Variants in ANKRD44 observed in about 807,000 individuals in gnomAD.
ANKRD44 encodes ankyrin repeat domain 44.
Under a neutral mutation model 116.0 loss-of-function variants are expected in ANKRD44, and 35 were observed. That is an observed-to-expected ratio of 0.30 (90% CI 0.23 to 0.40). The LOEUF is 0.40. ANKRD44 is among the 10% of genes least tolerant of loss of function. The pLI is 1.00. For synonymous variants in ANKRD44, 435 were observed against 461.8 expected, an observed-to-expected ratio of 0.94 and a Z score of 0.74; for missense variants, 1,014 against 1,242.6, an observed-to-expected ratio of 0.82 and a Z score of 2.77.
intron 1 of ANKRD44, among the ~76,000 whole-genome samples, chr2:197,214,630 T>C (rs1019767505): frequency 6.6e-6 from 1 of 152,206 alleles, no homozygotes; most frequent in Non-Finnish European, 1.5e-5. Context: ...TTAATACCTA[T>C]CACTGATATA....
intron 1 of ANKRD44, among the ~76,000 whole-genome samples, chr2:197,257,714 A>G (rs2082487922): frequency 6.6e-6 from 1 of 152,214 alleles, no homozygotes; most frequent in Non-Finnish European, 1.5e-5. Flanking sequence ...ATATACACCT[A>G]CTATGTACCC....
chr2:197,216,869 A>AACACACACACACACAAACACAC (rs1553535177), intron 1 of ANKRD44, among the ~76,000 whole-genome samples: 2 of 139,734 alleles, frequency 1.4e-5, no homozygotes, highest in African/African-American at 5.5e-5. Context: ...ACATTGGTTA[A>AACACACACACACACAAACACAC]ACACACACAC....
chr2:197,023,997 T>G (rs1200123895), intron 17 of ANKRD44, among the ~76,000 whole-genome samples: 5 of 152,140 alleles, frequency 3.3e-5, no homozygotes, highest in Non-Finnish European at 7.4e-5. Context: ...TCAGAGGACG[T>G]GTGAGTGGGT....
Position 197,122,643 on chromosome 2 carries a change from A to G in ANKRD44, c.693+7T>C, listed in dbSNP as rs2078882398. ...GGCCATGCATTGATGCATTCATCAT[A>G]GCTCACCTCCACCCCCAGGTTCAGG... On this transcript the variant is annotated splice_region_variant and intron_variant, in intron 7 of 27. Coordinates refer to ENST00000282272, the MANE Select transcript of ANKRD44 (RefSeq NM_001195144.2). 1.2e-6 allele frequency: 2 copies of G among 1,613,034 alleles called. No individual in the cohort carries two copies. The highest frequency in any genetic ancestry group is 1.1e-5 in the South Asian group (1 of 90,884).
At chr2:197,138,228 C>A (rs1462321805) in intron 3 of ANKRD44, among the ~76,000 whole-genome samples, 3 of 152,220 alleles carry the variant, frequency 2.0e-5, no homozygotes, top group Admixed American at 6.5e-5. Flanking sequence ...TTCCAAATCA[C>A]CTCCAATGTC....
In ANKRD44 at chr2:196,998,422, G is replaced by A; in HGVS notation, c.2666-3C>T. 6.2e-7 allele frequency: 1 copy of A among 1,612,676 alleles called. No individual in the cohort carries two copies. ...CTGGGCACTGTTCACCAAAATATCT[G>A]TAGAAAAAGCCCAAAAGAGGGTTAC... On this transcript the variant is annotated splice_region_variant and splice_polypyrimidine_tract_variant and intron_variant, in intron 24 of 27. Transcript: ENST00000282272.
chr2:197,022,579 T>C lies in ANKRD44; in HGVS notation c.1722+2617A>G, dbSNP rs540971604. 2.6e-4 allele frequency among the ~76,000 whole-genome samples: 39 copies of C among 152,330 alleles called. 2 individuals are homozygous for C. The South Asian group carries it at 7.5e-3, about 29-fold the overall frequency. ...GCTCCAGCCACAGTGGCCCCTTTCC[T>C]GTTCTGTGGACAGTTCATGAGTTCC... On this transcript the variant is annotated intron_variant, in intron 17 of 27. Transcript: ENST00000282272.
At chr2:197,182,331 C>T (rs1404239672) in intron 2 of ANKRD44, among the ~76,000 whole-genome samples, 1 of 152,158 alleles carries the variant, frequency 6.6e-6, no homozygotes, top group South Asian at 2.1e-4. Context: ...CCTCCTGACC[C>T]TTCAGTGGCT....
intron 16 of ANKRD44, among the ~76,000 whole-genome samples, chr2:197,068,394 A>T (rs949242164): frequency 1.3e-3 from 187 of 140,270 alleles, no homozygotes; most frequent in South Asian, 3.3e-3. Flanking sequence ...AAATAAAAAA[A>T]AAATAAAAAT....
At chr2:197,293,537 T>C (rs2083629807) in intron 1 of ANKRD44, among the ~76,000 whole-genome samples, 1 of 152,168 alleles carries the variant, frequency 6.6e-6, no homozygotes, top group Admixed American at 6.5e-5. Flanking sequence ...CTGTGACAAA[T>C]GTTCCCTTCA....
intron 1 of ANKRD44, among the ~76,000 whole-genome samples, chr2:197,283,478 A>G (rs192784379): frequency 1.3e-3 from 205 of 152,354 alleles, no homozygotes; most frequent in African/African-American, 4.7e-3. Context: ...AAGCAATTCC[A>G]TAAGTTTCTA....
At chr2:197,015,964 G>A in intron 17 of ANKRD44, 1 of 542,700 alleles carries the variant, frequency 1.8e-6, no homozygotes, top group Admixed American at 1.9e-5. Flanking sequence ...TCCCTATGGT[G>A]GTGGTTGGGT....
chr2:197,251,840 G>T (rs897492476), intron 1 of ANKRD44, among the ~76,000 whole-genome samples: 2 of 152,116 alleles, frequency 1.3e-5, no homozygotes, highest in Admixed American at 6.5e-5. Context: ...AACAACTGAG[G>T]CATAAATGTC....
intron 6 of ANKRD44, among the ~76,000 whole-genome samples, chr2:197,123,650 A>C (rs1372407357): frequency 6.6e-6 from 1 of 152,168 alleles, no homozygotes; most frequent in Admixed American, 6.5e-5. Context: ...ATAAATAAAT[A>C]AACAAAGAAA....
rs770016015 is a variant in ANKRD44, at chr2:197,081,627, A to C, written c.1538+18T>G. The C allele has an allele frequency of 5.0e-6, 8 of 1,609,668 alleles. No individual in the cohort carries two copies. In the Admixed American group the frequency reaches 5.0e-5, roughly 10 times the overall value. Reference sequence around the variant, plus strand: ...CGTCAGAAATGGCACCTTGTTCTTAAGCTGAGAAGAAACTTACAGTGTGGC... The same window carrying C: ...CGTCAGAAATGGCACCTTGTTCTTACGCTGAGAAGAAACTTACAGTGTGGC... On this transcript the variant is annotated intron_variant, in intron 15 of 27. Transcript: ENST00000282272.
chr2:197,273,960 CAAAAA>C lies in ANKRD44; in HGVS notation c.27+36613_27+36617del, dbSNP rs1158937486. Among the ~76,000 whole-genome samples, 79 of 9,282 alleles carry C rather than the reference CAAAAA, an allele frequency of 8.5e-3. 1 individual carries two copies. Among genetic ancestry groups the C allele is most frequent in the East Asian group, 0.019 (3 of 160 alleles). 6.1% of individuals were successfully genotyped at this position (9,282 alleles called of 152,430 possible). On this transcript the variant is annotated intron_variant, in intron 1 of 27. Transcript: ENST00000282272. ...TACCTGTAAGCTAGTCAACCAACCA[CAAAAA>C]AAAAAAAAAAAAAAAATATATATAT...
chr2:197,151,123 CAAAA>C (rs57630063), intron 2 of ANKRD44, among the ~76,000 whole-genome samples: 88,083 of 139,684 alleles, frequency 0.63, 30,740 homozygotes, highest in East Asian at 0.94. Context: ...TGAAAATATG[CAAAA>C]AAAAAAAAAA....
intron 1 of ANKRD44, among the ~76,000 whole-genome samples, chr2:197,205,833 T>C (rs2081193694): frequency 6.6e-6 from 1 of 152,026 alleles, no homozygotes; most frequent in South Asian, 2.1e-4. Context: ...AGGTGACAGC[T>C]AAGCTGGGGA....
chr2:197,065,272 C>A (rs2077406497), intron 16 of ANKRD44, among the ~76,000 whole-genome samples: 1 of 152,148 alleles, frequency 6.6e-6, no homozygotes, highest in Admixed American at 6.5e-5. Context: ...AAAGACACAA[C>A]ATACCAGAAT....
Sources: gnomAD v4.1 joint callset for allele counts (sites outside exome capture counted in the v4.1 genomes callset) on GRCh38, gnomAD v4.1.1 for gene constraint, MANE v1.5 for transcripts, NCBI Gene and HGNC (gene_info 2026-07-23, HGNC 2026-07-21) for gene names.